The following TRIM37 variants were observed in gnomAD, a reference collection of about 807,000 sequenced individuals.
The protein encoded by TRIM37 is E3 ubiquitin-protein ligase TRIM37.
Under a neutral mutation model 129.8 loss-of-function variants are expected in TRIM37, and 80 were observed. The observed-to-expected ratio is 0.62, with a 90% confidence interval of 0.51 to 0.74. TRIM37 has a LOEUF of 0.74. Ranked by LOEUF, TRIM37 falls within the 30% of genes least tolerant of loss-of-function variation. The pLI is 0.00. For synonymous variants in TRIM37, 389 were observed against 387.1 expected, an observed-to-expected ratio of 1.00 and a Z score of -0.06; for missense variants, 1,054 against 1,176.5, an observed-to-expected ratio of 0.90 and a Z score of 1.52.
intron 19 of TRIM37, among the ~76,000 whole-genome samples, chr17:59,020,489 T>C (rs541013742): frequency 5.9e-5 from 9 of 152,032 alleles, no homozygotes; most frequent in African/African-American, 2.2e-4. Flanking sequence ...AATAAATGAC[T>C]GTATATCAAT....
chr17:58,980,622 G>C, downstream of TRIM37: 1 of 1,614,208 alleles, frequency 6.2e-7, no homozygotes, highest in Non-Finnish European at 8.5e-7. The surrounding 1 kb of genome is among the most constrained non-coding windows in gnomAD (Gnocchi z 4.7). Flanking sequence ...TTGCCTGAAT[G>C]GAGTGGTGCT....
intron 24 of TRIM37, among the ~76,000 whole-genome samples, chr17:58,990,422 T>TG (rs1022707876): frequency 2.0e-5 from 3 of 150,622 alleles, no homozygotes; most frequent in Admixed American, 1.3e-4. Context: ...ACCTTGGAGA[T>TG]GGAGGTTGTA....
chr17:59,016,720 C>T (rs115304252), intron 20 of TRIM37, among the ~76,000 whole-genome samples: 1,522 of 150,130 alleles, frequency 0.01, 26 homozygotes, highest in African/African-American at 0.035. Flanking sequence ...GAGGTCAAGG[C>T]TACAGTGAGC....
chr17:59,095,616 A>T (rs868381894), intron 2 of TRIM37, among the ~76,000 whole-genome samples: 3 of 152,252 alleles, frequency 2.0e-5, no homozygotes, highest in Non-Finnish European at 2.9e-5. Flanking sequence ...CCGATCATAG[A>T]GGATCTTAGA....
At chr17:59,020,230 C>CAAAAAAAAAAAAAAAAAA (rs58159558) in intron 19 of TRIM37, among the ~76,000 whole-genome samples, 2 of 32,056 alleles carry the variant, frequency 6.2e-5, no homozygotes, top group Non-Finnish European at 1.0e-4. Context: ...GACTCTGTCT[C>CAAAAAAAAAAAAAAAAAA]AAAAAAAAAA....
chr17:59,017,351 T>G lies in TRIM37; in HGVS notation c.2331A>C (p.Ala777=). 1 of 1,614,204 alleles carries G rather than the reference T, an allele frequency of 6.2e-7. No homozygotes were observed. The highest frequency in any genetic ancestry group is 8.5e-7 in the Non-Finnish European group (1 of 1,180,020). The change falls in exon 20 of 24, where the codon GCA becomes GCC. Residue 777 remains alanine (A), a synonymous_variant. Transcript: ENST00000262294. ...SVAGSLSLRR[A]VDPGENSRSK... ...AACGACTATTTTCTCCAGGGTCCAC[T>G]GCTCTTCGAAGTGATAGACTACCTG... is the stretch of plus-strand genomic sequence containing the variant.
downstream of TRIM37, chr17:58,980,855 C>T: frequency 6.2e-7 from 1 of 1,614,140 alleles, no homozygotes; most frequent in Non-Finnish European, 8.5e-7. This position sits in a 1 kb window ranked among gnomAD's most constrained non-coding sequence, Gnocchi z 4.7. Flanking sequence ...AGAGCCTTCC[C>T]ACAAAATAGG....
chr17:59,028,286 A>T, intron 19 of TRIM37, 129 bp downstream of exon 19: 1 of 836,896 alleles, frequency 1.2e-6, no homozygotes, highest in Admixed American at 2.8e-5. Flanking sequence ...ATGAAGAAAA[A>T]AGTCACATGT....
rs968948863 is a variant in TRIM37 at position 59,106,542 on chromosome 17, G to A, written c.-81C>T. On this transcript the variant is annotated 5_prime_UTR_variant, in exon 1 of 24. Transcript: ENST00000262294. ...CTTAGGCGCCGGCCCGAGGTCGCCA[G>A]ATCAAATCGCCGATAAAAGCCCGGC... is the stretch of plus-strand genomic sequence containing the variant. The A allele has an allele frequency of 2.9e-5, 45 of 1,564,820 alleles. No homozygotes were observed. Among genetic ancestry groups the A allele is most frequent in the Admixed American group, 5.2e-5 (3 of 57,180 alleles).
At chr17:59,030,512 A>G (rs1375104664) in intron 18 of TRIM37, among the ~76,000 whole-genome samples, 1 of 152,012 alleles carries the variant, frequency 6.6e-6, no homozygotes, top group East Asian at 1.9e-4. Context: ...TCTTTCTACT[A>G]TTTTCCCCGC....
At chr17:59,029,269 A>G (rs57869245) in intron 18 of TRIM37, among the ~76,000 whole-genome samples, 56,054 of 152,080 alleles carry the variant, frequency 0.37, 10,872 homozygotes, top group East Asian at 0.53. Context: ...CTGTACAAAA[A>G]AAAATTTTTT....
rs145524819 is a variant in TRIM37 at position 59,001,661 on chromosome 17, C to T, written c.2749G>A (p.Glu917Lys). The change falls in exon 23 of 24, where the codon GAG (glutamate) becomes AAG (lysine). Residue 917 changes from glutamate to lysine, a missense_variant. By Grantham distance (56) the Glu-to-Lys change is moderately conservative (BLOSUM62 1). Around this residue, in one of 3 missense-constraint regions of TRIM37, gnomAD observed 287 missense variants for 274.3 expected, o/e 1.05. Coordinates refer to ENST00000262294, the MANE Select transcript of TRIM37 (RefSeq NM_015294.6). ...ECDTENEEQE[E>K]HTSVGGFHDS... ...TGAAACCCGCCCACACTGGTATGCT[C>T]TTCCTGCTCCTCATTCTCAGTGTCA... 1.2e-4 allele frequency: 200 copies of T among 1,613,990 alleles called. No homozygotes were observed. The highest frequency in any genetic ancestry group is 1.6e-4 in the Middle Eastern group (1 of 6,082).
intron 22 of TRIM37, among the ~76,000 whole-genome samples, chr17:59,010,641 T>C (rs1454203179): frequency 1.3e-5 from 2 of 151,992 alleles, no homozygotes; most frequent in Non-Finnish European, 2.9e-5. Context: ...TACAGGTGTC[T>C]GCTACCACAT....
rs573606447 is a variant in TRIM37, at chr17:59,047,140, G to A, written c.1667+543C>T. 2.8e-3 allele frequency among the ~76,000 whole-genome samples: 413 copies of A among 149,904 alleles called. 3 individuals are homozygous for A. Among genetic ancestry groups the A allele is most frequent in the African/African-American group, 9.8e-3 (401 of 40,814 alleles). On this transcript the variant is annotated intron_variant, in intron 16 of 23. Transcript: ENST00000262294. ...TGCACTCCAGCCTGGGCGACAGAGC[G>A]AGACTCCGTCTCAAAAAAAAAGGAA...
At position 59,104,141 on chromosome 17, in the gene TRIM37, T is replaced by C. The variant is rs140219872; in HGVS notation, c.123+152A>G. 6 of 670,898 alleles carry C rather than the reference T, an allele frequency of 8.9e-6. No homozygotes were observed. In the East Asian group the frequency reaches 1.6e-4, roughly 18 times the overall value. 41.6% of individuals were successfully genotyped at this position (670,898 alleles called of 1,614,324 possible). A position where few individuals can be genotyped will look rare whatever the true frequency, so the allele number is the denominator to read the frequency against. On this transcript the variant is annotated intron_variant, in intron 2 of 23. Transcript: ENST00000262294. ...ATTTAAGCTCCTTCAAGGCAGGCAATTTGTCATTTATCTTAGTATTCCTCA... is the reference window on the plus strand; with the variant it reads ...ATTTAAGCTCCTTCAAGGCAGGCAACTTGTCATTTATCTTAGTATTCCTCA...
At chr17:59,036,040 C>T (rs1019610239) in intron 17 of TRIM37, among the ~76,000 whole-genome samples, 1 of 152,052 alleles carries the variant, frequency 6.6e-6, no homozygotes, top group African/African-American at 2.4e-5. Flanking sequence ...AATTACATAC[C>T]GATATTTACC....
intron 21 of TRIM37, among the ~76,000 whole-genome samples, chr17:59,014,743 C>T (rs1428060654): frequency 2.6e-4 from 40 of 151,602 alleles, no homozygotes; most frequent in Admixed American, 2.6e-3. Flanking sequence ...GACCGCCCCC[C>T]TACCGCCAAC....
chr17:59,015,956 A>G (rs1370145060), intron 20 of TRIM37, among the ~76,000 whole-genome samples, 157 bp from the exon 21 acceptor site: 2 of 152,046 alleles, frequency 1.3e-5, no homozygotes, highest in African/African-American at 4.8e-5. Flanking sequence ...AGCCTGGACA[A>G]CAGAGCAAGA....
chr17:59,069,640 G>A (rs2042200849), intron 9 of TRIM37, among the ~76,000 whole-genome samples: 1 of 152,112 alleles, frequency 6.6e-6, no homozygotes, highest in South Asian at 2.1e-4. Flanking sequence ...GATTTTAAAA[G>A]AACAAACTGA....
Sources: gnomAD v4.1 joint callset for allele counts (sites outside exome capture counted in the v4.1 genomes callset) on GRCh38, gnomAD v4.1.1 for gene constraint, gnomAD v4.1.1 regional missense constraint, Gnocchi (gnomAD v3.1) non-coding constraint, MANE v1.5 for transcripts, NCBI Gene and HGNC (gene_info 2026-07-23, HGNC 2026-07-21) for gene names.